SLC8A3: variants seen among roughly 807,000 people sequenced by gnomAD.
SLC8A3 encodes sodium/calcium exchanger 3.
SLC8A3 carries 37 observed loss-of-function variants against 65.4 expected under a neutral mutation model. The observed-to-expected ratio is 0.57, with a 90% CI of 0.44 to 0.74. The LOEUF (loss-of-function observed/expected upper bound fraction) is 0.74. SLC8A3 is among the 30% of genes least tolerant of loss of function. SLC8A3 has a pLI of 0.00. For missense variants in SLC8A3, 1,112 were observed against 1,172.1 expected (o/e 0.95, Z 0.75); for synonymous variants, 461 against 444.5 (o/e 1.04, Z -0.47).
intron 2 of SLC8A3, among the ~76,000 whole-genome samples, chr14:70,097,931 C>T (rs1031774602): frequency 6.6e-6 from 1 of 152,198 alleles, no homozygotes; most frequent in African/African-American, 2.4e-5. Flanking sequence ...CCCCCTAGAT[C>T]CCGTCTTTGA....
intron 2 of SLC8A3, among the ~76,000 whole-genome samples, chr14:70,078,595 T>A (rs532456793): frequency 6.6e-6 from 1 of 152,214 alleles, no homozygotes; most frequent in Non-Finnish European, 1.5e-5. Flanking sequence ...TTCCCACTGA[T>A]GGCTGGCTGA....
chr14:70,058,160 A>G (rs1481777051), intron 3 of SLC8A3, among the ~76,000 whole-genome samples: 1 of 152,172 alleles, frequency 6.6e-6, no homozygotes, highest in Non-Finnish European at 1.5e-5. Flanking sequence ...TCATTTTTTT[A>G]ATGCAATTGT....
intron 2 of SLC8A3, among the ~76,000 whole-genome samples, chr14:70,162,725 C>T (rs1896959646): frequency 6.6e-6 from 1 of 152,108 alleles, no homozygotes; most frequent in Non-Finnish European, 1.5e-5. Flanking sequence ...GTCTTAAAGG[C>T]CATAATTCTC....
intron 2 of SLC8A3, among the ~76,000 whole-genome samples, chr14:70,156,758 G>T (rs1357859040): frequency 1.3e-5 from 2 of 152,072 alleles, no homozygotes; most frequent in Admixed American, 6.5e-5. Flanking sequence ...CAGGGGAGGG[G>T]TGGGGAGGGA....
rs190972208 is a variant in SLC8A3 at position 70,113,766 on chromosome 14, G to A, written c.1785-52827C>T. Reference sequence around the variant, plus strand: ...GATAGAGCCAGGATTGCTTAAAATTGGTTCAGAGAGCCACTTCTGTGCTGA... The same window carrying A: ...GATAGAGCCAGGATTGCTTAAAATTAGTTCAGAGAGCCACTTCTGTGCTGA... On this transcript the variant is annotated intron_variant, in intron 2 of 6. Coordinates refer to ENST00000356921, the MANE Select transcript of SLC8A3 (RefSeq NM_182932.3). Among the ~76,000 whole-genome samples, 13 of 152,278 alleles carry A rather than the reference G, an allele frequency of 8.5e-5. No homozygotes were observed. The South Asian group carries it at 1.7e-3, about 19-fold the overall frequency.
intron 2 of SLC8A3, among the ~76,000 whole-genome samples, chr14:70,163,106 C>T (rs1211444913): frequency 6.6e-6 from 1 of 152,210 alleles, no homozygotes; most frequent in East Asian, 1.9e-4. Context: ...AGTAATGTAG[C>T]TAGTACATAG....
intron 2 of SLC8A3, among the ~76,000 whole-genome samples, chr14:70,072,138 G>T (rs1454784745): frequency 6.6e-6 from 1 of 152,300 alleles, no homozygotes; most frequent in East Asian, 1.9e-4. Context: ...AGGACTTGAT[G>T]CTCATTCTGT....
At chr14:70,156,759 T>G (rs1594775424) in intron 2 of SLC8A3, among the ~76,000 whole-genome samples, 3 of 149,086 alleles carry the variant, frequency 2.0e-5, no homozygotes, top group African/African-American at 2.5e-5. Context: ...AGGGGAGGGG[T>G]GGGGAGGGAG....
At position 70,177,818 on chromosome 14, in the gene SLC8A3, T is replaced by C. The variant is rs890082628; in HGVS notation, c.-62-9334A>G. Among the ~76,000 whole-genome samples the C allele has an allele frequency of 2.6e-5, 4 of 152,288 alleles. No homozygotes were observed. The East Asian group carries it at 7.7e-4, about 29-fold the overall frequency. ...TCATAGGAGGGACAAGATCAATGTTTTTCTTTTGGATAGGCAACCTAGAGT... is the reference window on the plus strand; with the variant it reads ...TCATAGGAGGGACAAGATCAATGTTCTTCTTTTGGATAGGCAACCTAGAGT... On this transcript the variant is annotated intron_variant, in intron 1 of 6. Transcript: ENST00000356921.
At chr14:70,082,905 G>C (rs552065073) in intron 2 of SLC8A3, among the ~76,000 whole-genome samples, 1 of 152,114 alleles carries the variant, frequency 6.6e-6, no homozygotes, top group Non-Finnish European at 1.5e-5. Flanking sequence ...TTCCCCATCT[G>C]TACCAATTCC....
At chr14:70,120,122 G>A (rs891537869) in intron 2 of SLC8A3, among the ~76,000 whole-genome samples, 12 of 152,184 alleles carry the variant, frequency 7.9e-5, no homozygotes, top group Admixed American at 1.3e-4. Flanking sequence ...GATGGAAGCT[G>A]CCTGCATCCC....
Position 70,051,021 on chromosome 14 carries a change from G to A in SLC8A3, c.2100C>T (p.Ile700=). 1.2e-6 allele frequency: 2 copies of A among 1,610,628 alleles called. No individual in the cohort carries two copies. Among genetic ancestry groups the A allele is most frequent in the Non-Finnish European group, 1.7e-6 (2 of 1,176,914 alleles). The change falls in exon 5 of 7, where the codon ATC becomes ATT. Residue 700 remains isoleucine, a synonymous_variant. Transcript: ENST00000356921. ...GACACTTCTCACCTGCACTGACGGTGATGGCCTCCATGAACTGGTCCCTCC... is the reference window on the plus strand; with the variant it reads ...GACACTTCTCACCTGCACTGACGGTAATGGCCTCCATGAACTGGTCCCTCC... ...HSWRDQFMEA[I]TVSAAGDEDE...
At chr14:70,088,017 T>A (rs1464075375) in intron 2 of SLC8A3, among the ~76,000 whole-genome samples, 1 of 151,914 alleles carries the variant, frequency 6.6e-6, no homozygotes, top group Non-Finnish European at 1.5e-5. Flanking sequence ...ATGGAGAGAG[T>A]ATTCACTTGG....
At chr14:70,185,719 T>C (rs1217429350) in intron 1 of SLC8A3, among the ~76,000 whole-genome samples, 1 of 152,232 alleles carries the variant, frequency 6.6e-6, no homozygotes, top group Non-Finnish European at 1.5e-5. Context: ...TGCTAGGCCT[T>C]GGGGACACAG....
At chr14:70,094,251 T>C (rs1892001038) in intron 2 of SLC8A3, among the ~76,000 whole-genome samples, 1 of 152,194 alleles carries the variant, frequency 6.6e-6, no homozygotes, top group Non-Finnish European at 1.5e-5. Flanking sequence ...CACCTACCTG[T>C]GGGAACTAGC....
chr14:70,103,566 A>C (rs570944893), intron 2 of SLC8A3, among the ~76,000 whole-genome samples: 78 of 152,182 alleles, frequency 5.1e-4, no homozygotes, highest in Non-Finnish European at 6.5e-4. Context: ...ATTTTATGTG[A>C]AGTGGTACAA....
intron 1 of SLC8A3, among the ~76,000 whole-genome samples, chr14:70,177,013 T>C (rs1002940774): frequency 5.3e-5 from 8 of 152,358 alleles, no homozygotes; most frequent in African/African-American, 1.7e-4. Context: ...AAACCCAGCT[T>C]ATGTGTCACA....
At chr14:70,160,913 C>T (rs1327817071) in intron 2 of SLC8A3, among the ~76,000 whole-genome samples, 1 of 149,712 alleles carries the variant, frequency 6.7e-6, no homozygotes, top group Admixed American at 6.7e-5. Flanking sequence ...TGACCTGGGG[C>T]CCTTCGGGAC....
chr14:70,148,146 T>C (rs1896049229), intron 2 of SLC8A3, among the ~76,000 whole-genome samples: 1 of 152,256 alleles, frequency 6.6e-6, no homozygotes, highest in Non-Finnish European at 1.5e-5. Context: ...TATTTTAAAA[T>C]AGGCTTTGTT....
Sources: allele counts gnomAD v4.1 joint callset (sites outside exome capture counted in the v4.1 genomes callset), GRCh38; gene constraint gnomAD v4.1.1; transcripts MANE v1.5; gene names NCBI Gene and HGNC (gene_info 2026-07-23, HGNC 2026-07-21).